TDRD5: variants seen among roughly 807,000 people sequenced by gnomAD.
TDRD5 encodes the protein tudor domain containing 5, also known as tudor domain-containing protein 5.
TDRD5 carries 41 observed loss-of-function variants against 120.6 expected under a neutral mutation model. That is an observed-to-expected ratio of 0.34 (90% confidence interval 0.26 to 0.44). The LOEUF is 0.44. TDRD5 is among the 20% of genes least tolerant of loss of function. The pLI is 1.00. For missense variants in TDRD5, 1,006 were observed against 1,221.2 expected, an observed-to-expected ratio of 0.82 and a Z score of 2.63; for synonymous variants, 430 against 433.7, an observed-to-expected ratio of 0.99 and a Z score of 0.11.
chr1:179,663,375 A>C lies in TDRD5; in HGVS notation c.2533A>C (p.Thr845Pro), dbSNP rs751674376. ...KDWCFSTPKD[T>P]WDDSWQPSGL... is the part of the protein sequence containing the mutation. Reference sequence around the variant, plus strand: ...CTGGTGTTTTTCTACCCCTAAAGATACATGGGATGATTCTTGGCAGCCTTC... The same window carrying C: ...CTGGTGTTTTTCTACCCCTAAAGATCCATGGGATGATTCTTGGCAGCCTTC... The change falls in exon 16 of 18, where the codon ACA becomes CCA. Residue 845 changes from threonine to proline, a missense_variant. Around this residue, in one of 3 missense-constraint regions of TDRD5, gnomAD observed 403 missense variants for 448.1 expected, o/e 0.90. Transcript: ENST00000444136. 6.2e-7 allele frequency: 1 copy of C among 1,613,492 alleles called. No homozygotes were observed. The highest frequency in any genetic ancestry group is 8.5e-7 in the Non-Finnish European group (1 of 1,179,812).
chr1:179,633,816 A>C (rs1677597622), intron 7 of TDRD5, among the ~76,000 whole-genome samples: 1 of 152,168 alleles, frequency 6.6e-6, no homozygotes, highest in Non-Finnish European at 1.5e-5. Context: ...TTCCCTGTTT[A>C]ATTTGAACAA....
intron 17 of TDRD5, among the ~76,000 whole-genome samples, chr1:179,675,433 C>G (rs371371464): frequency 6.7e-6 from 1 of 149,670 alleles, no homozygotes; most frequent in East Asian, 1.9e-4. Context: ...GCGCCCACCA[C>G]CACGCCCGGC....
intron 6 of TDRD5, among the ~76,000 whole-genome samples, chr1:179,627,319 C>A (rs914179396): frequency 1.3e-5 from 2 of 152,036 alleles, no homozygotes; most frequent in African/African-American, 4.8e-5. Context: ...AAAGTGAATA[C>A]CATTTATACA....
chr1:179,672,786 G>A (rs186850577), intron 17 of TDRD5, among the ~76,000 whole-genome samples: 173 of 152,266 alleles, frequency 1.1e-3, no homozygotes, highest in African/African-American at 4.0e-3. Context: ...GGTGAGAGAT[G>A]AGGATCTAAT....
At chr1:179,650,494 GCC>G (rs2102060762) in intron 11 of TDRD5, among the ~76,000 whole-genome samples, 1 of 151,386 alleles carries the variant, frequency 6.6e-6, no homozygotes, top group African/African-American at 2.4e-5. Flanking sequence ...TTCAATTTTG[GCC>G]TGATAATTTG....
chr1:179,593,964 C>T (rs1675254201), intron 3 of TDRD5, 97 bp downstream of exon 3: 1 of 1,453,356 alleles, frequency 6.9e-7, no homozygotes, highest in African/African-American at 1.4e-5. Flanking sequence ...CCTGGCTCTA[C>T]TACTTGCCAG....
chr1:179,630,275 G>A (rs1677362812), intron 6 of TDRD5, among the ~76,000 whole-genome samples: 4 of 152,218 alleles, frequency 2.6e-5, no homozygotes, highest in Non-Finnish European at 5.9e-5. Flanking sequence ...GGGATTACAG[G>A]CGTGAGCCAC....
intron 17 of TDRD5, among the ~76,000 whole-genome samples, chr1:179,687,053 T>C (rs1680762391): frequency 6.6e-6 from 1 of 152,240 alleles, no homozygotes; most frequent in South Asian, 2.1e-4. Flanking sequence ...TCAGTTCTGC[T>C]CTGATCTTAG....
intron 17 of TDRD5, among the ~76,000 whole-genome samples, chr1:179,686,136 T>C (rs1680700165): frequency 6.6e-6 from 1 of 152,220 alleles, no homozygotes. Flanking sequence ...TCAAAGGGAA[T>C]GCTTCCAGTT....
intron 13 of TDRD5, among the ~76,000 whole-genome samples, 196 bp from the exon 14 acceptor site, chr1:179,654,005 T>C (rs958929259): frequency 1.3e-5 from 2 of 152,174 alleles, no homozygotes; most frequent in African/African-American, 4.8e-5. Context: ...CATTTCATGA[T>C]AAGGGTTCAA....
In TDRD5 at chr1:179,657,660, A is replaced by G. The variant is rs564636156; in HGVS notation, c.2322+3298A>G. Among the ~76,000 whole-genome samples the G allele has an allele frequency of 1.4e-4, 22 of 152,204 alleles. No homozygotes were observed. In the South Asian group the frequency reaches 4.2e-3, roughly 29 times the overall value. ...ATTGCCCGCTTTGCTGTTTTCTGGGAAAGATTATGTAGAATTGTATTTCCT... is the reference window on the plus strand; with the variant it reads ...ATTGCCCGCTTTGCTGTTTTCTGGGGAAGATTATGTAGAATTGTATTTCCT... On this transcript the variant is annotated intron_variant, in intron 14 of 17. Transcript: ENST00000444136.
chr1:179,624,257 C>G (rs1318299457), intron 6 of TDRD5, among the ~76,000 whole-genome samples: 1 of 152,104 alleles, frequency 6.6e-6, no homozygotes, highest in Non-Finnish European at 1.5e-5. Context: ...TCTCAGAAAA[C>G]TAGGAATAGA....
At chr1:179,668,782 G>A (rs1178721696) in intron 16 of TDRD5, among the ~76,000 whole-genome samples, 7 of 128,976 alleles carry the variant, frequency 5.4e-5, no homozygotes, top group South Asian at 2.5e-4. Context: ...TCGCTCTGTC[G>A]CCCAGGCTGG....
intron 4 of TDRD5, among the ~76,000 whole-genome samples, chr1:179,615,152 T>G (rs949360225): frequency 6.6e-6 from 1 of 152,068 alleles, no homozygotes. Flanking sequence ...ATAATTGTAA[T>G]TACATATATA....
chr1:179,689,329 G>C (rs1352492908), intron 17 of TDRD5, among the ~76,000 whole-genome samples: 1 of 152,224 alleles, frequency 6.6e-6, no homozygotes, highest in African/African-American at 2.4e-5. Flanking sequence ...TCCACACCCT[G>C]TTTGCCTGGG....
chr1:179,688,740 A>G (rs560745967), intron 17 of TDRD5, among the ~76,000 whole-genome samples: 1 of 152,156 alleles, frequency 6.6e-6, no homozygotes, highest in East Asian at 1.9e-4. Context: ...GGCTTTGTTC[A>G]TTTCTTTTTA....
intron 17 of TDRD5, among the ~76,000 whole-genome samples, chr1:179,687,666 G>C (rs1447834579): frequency 6.6e-6 from 1 of 152,106 alleles, no homozygotes; most frequent in Non-Finnish European, 1.5e-5. Context: ...CATTATTATT[G>C]TGTGGGAGTC....
intron 4 of TDRD5, among the ~76,000 whole-genome samples, chr1:179,596,284 G>A (rs375120284): frequency 5.9e-5 from 9 of 152,154 alleles, no homozygotes; most frequent in Admixed American, 3.9e-4. Flanking sequence ...GAATGAGCAC[G>A]TGGAAATTAA....
intron 6 of TDRD5, among the ~76,000 whole-genome samples, chr1:179,629,933 G>C (rs1677342012): frequency 6.7e-6 from 1 of 150,234 alleles, no homozygotes; most frequent in Non-Finnish European, 1.5e-5. Context: ...AAATCAAACT[G>C]TATGCTATGG....
Sources: allele counts gnomAD v4.1 joint callset (sites outside exome capture counted in the v4.1 genomes callset), GRCh38; gene constraint gnomAD v4.1.1; regional missense constraint gnomAD v4.1.1; transcripts MANE v1.5; gene names NCBI Gene and HGNC (gene_info 2026-07-23, HGNC 2026-07-21).